The following ACCSL variants were observed in gnomAD, a reference collection of about 807,000 sequenced individuals.
ACCSL encodes the protein 1-aminocyclopropane-1-carboxylate synthase homolog (inactive) like.
Under a neutral mutation model 61.7 loss-of-function variants are expected in ACCSL, and 55 were observed. That is an observed-to-expected ratio of 0.89 (90% CI 0.72 to 1.12). The LOEUF (loss-of-function observed/expected upper bound fraction) is 1.12. Among genes scored for constraint, ACCSL ranks in the 50% most tolerant of loss-of-function variants. The pLI, the probability that ACCSL is intolerant of heterozygous loss-of-function variation, is 0.00. For synonymous variants in ACCSL, 258 were observed against 264.3 expected, an observed-to-expected ratio of 0.98 and a Z score of 0.23; for missense variants, 632 against 698.0, an observed-to-expected ratio of 0.91 and a Z score of 1.07.
the ACCSL span, among the ~76,000 whole-genome samples, chr11:43,962,163 A>G: frequency 5.3e-5 from 8 of 152,314 alleles, no homozygotes; most frequent in Middle Eastern, 3.4e-3. Context: ...AAATATAAAA[A>G]TTGGTACTAA....
chr11:44,033,087 A>G, the ACCSL span, among the ~76,000 whole-genome samples: 2 of 152,210 alleles, frequency 1.3e-5, no homozygotes, highest in Non-Finnish European at 1.5e-5. Context: ...TGAAAGTTTA[A>G]ATGGTCAGGT....
chr11:44,050,063 G>T lies in ACCSL; in HGVS notation c.506G>T (p.Gly169Val), dbSNP rs1291203048. The T allele has an allele frequency of 6.2e-7, 1 of 1,614,036 alleles. No homozygotes were observed. Among genetic ancestry groups the T allele is most frequent in the Non-Finnish European group, 8.5e-7 (1 of 1,180,042 alleles). The change falls in exon 2 of 14, where the codon GGT (glycine) becomes GTT (valine). Residue 169 changes from glycine (G) to valine (V), a missense_variant and splice_region_variant. Coordinates refer to ENST00000378832, the MANE Select transcript of ACCSL (RefSeq NM_001031854.2). ...DKYHKDKNTL[G>V]FINLGTSENK... The stretch of plus-strand genomic sequence containing the variant: ...ATCTTGGATTCCTTCCATCTCCAGG[G>T]TTTCATTAACCTTGGCACCAGTGAG...
chr11:43,925,517 A>G, the ACCSL span: 4 of 449,578 alleles, frequency 8.9e-6, no homozygotes, highest in East Asian at 2.8e-4. Context: ...GCTCTGCACC[A>G]ACCGATGAGG....
the ACCSL span, among the ~76,000 whole-genome samples, chr11:44,012,511 T>C: frequency 2.2e-3 from 336 of 152,272 alleles, 2 homozygotes; most frequent in African/African-American, 7.1e-3. Context: ...GGTCTTGAAC[T>C]CCTGACCTCA....
At chr11:44,039,954 C>T in the ACCSL span, among the ~76,000 whole-genome samples, 1 of 152,268 alleles carries the variant, frequency 6.6e-6, no homozygotes, top group East Asian at 1.9e-4. Context: ...GTCTAGTCCT[C>T]ATACCACCCT....
At chr11:43,989,375 C>G in the ACCSL span, among the ~76,000 whole-genome samples, 2 of 152,224 alleles carry the variant, frequency 1.3e-5, no homozygotes, top group Non-Finnish European at 2.9e-5. Context: ...TCCCCTCCCC[C>G]GCCTGCCTTC....
the ACCSL span, among the ~76,000 whole-genome samples, chr11:43,937,050 G>C: frequency 1.3e-5 from 2 of 152,160 alleles, no homozygotes; most frequent in African/African-American, 4.8e-5. Context: ...GGAGTGGAGG[G>C]AGTTGACTTA....
At chr11:44,055,179 T>C in intron 8 of ACCSL, 23 bp from the exon 9 acceptor site, 2 of 1,506,412 alleles carry the variant, frequency 1.3e-6, no homozygotes, top group Non-Finnish European at 1.8e-6. Context: ...GATCTTGTTC[T>C]CCTTCTTTCA....
the ACCSL span, among the ~76,000 whole-genome samples, chr11:43,999,041 T>C: frequency 2.0e-5 from 3 of 152,218 alleles, no homozygotes; most frequent in South Asian, 6.2e-4. Context: ...GTGAAACCTC[T>C]GTATGTATGC....
chr11:43,943,677 G>A, the ACCSL span: 4 of 1,304,744 alleles, frequency 3.1e-6, no homozygotes, highest in African/African-American at 1.5e-5. The surrounding 1 kb of genome is among the most constrained non-coding windows in gnomAD (Gnocchi z 4.8). Flanking sequence ...TCACACTCAC[G>A]CCAACACTCT....
chr11:44,004,982 G>C, the ACCSL span, among the ~76,000 whole-genome samples: 5 of 152,188 alleles, frequency 3.3e-5, no homozygotes, highest in African/African-American at 1.2e-4. Flanking sequence ...ACACTTGTAG[G>C]AGATATGTTT....
At chr11:43,934,800 G>C in the ACCSL span, among the ~76,000 whole-genome samples, 2 of 152,302 alleles carry the variant, frequency 1.3e-5, 1 homozygote, top group South Asian at 4.1e-4. Context: ...TGTGCATCCT[G>C]GGACACACTG....
chr11:44,035,637 C>A, the ACCSL span, among the ~76,000 whole-genome samples: 1 of 151,976 alleles, frequency 6.6e-6, no homozygotes, highest in Non-Finnish European at 1.5e-5. Context: ...GCATTAGAAC[C>A]ATAAAGAATA....
At chr11:43,976,754 T>C in the ACCSL span, among the ~76,000 whole-genome samples, 3 of 152,168 alleles carry the variant, frequency 2.0e-5, no homozygotes, top group African/African-American at 7.2e-5. Context: ...CTCATCTCCA[T>C]TGGCCAGAAC....
the ACCSL span, among the ~76,000 whole-genome samples, chr11:43,988,891 C>T: frequency 8.1e-5 from 12 of 148,070 alleles, no homozygotes; most frequent in African/African-American, 3.0e-4. Context: ...TCTCCTCGGC[C>T]TCTAGAGTAG....
the ACCSL span, among the ~76,000 whole-genome samples, chr11:43,990,889 A>G: frequency 6.6e-6 from 1 of 152,098 alleles, no homozygotes; most frequent in East Asian, 1.9e-4. Context: ...TGGCCAGCAG[A>G]GTAAAATCCT....
the ACCSL span, among the ~76,000 whole-genome samples, chr11:43,978,329 A>G: frequency 1.3e-5 from 2 of 152,154 alleles, no homozygotes; most frequent in African/African-American, 4.8e-5. Context: ...CTCTTGCTCA[A>G]GCTGATCAAG....
At chr11:44,046,377 C>G (rs1300037340), upstream of ACCSL, among the ~76,000 whole-genome samples, 2 of 152,184 alleles carry the variant, frequency 1.3e-5, no homozygotes, top group Non-Finnish European at 2.9e-5. Context: ...TCATTTATGG[C>G]TCATCTCTTC....
At chr11:44,049,579 T>A (rs987623419) in intron 1 of ACCSL, among the ~76,000 whole-genome samples, 1 of 152,100 alleles carries the variant, frequency 6.6e-6, no homozygotes, top group Non-Finnish European at 1.5e-5. Context: ...TCTGTTCTCC[T>A]CTAATAACTT....
Sources: gnomAD v4.1 joint callset for allele counts (sites outside exome capture counted in the v4.1 genomes callset) on GRCh38, gnomAD v4.1.1 for gene constraint, Gnocchi (gnomAD v3.1) non-coding constraint, MANE v1.5 for transcripts, NCBI Gene and HGNC (gene_info 2026-07-23, HGNC 2026-07-21) for gene names.